Variants in ADAMTS18 observed in about 807,000 individuals in gnomAD.
ADAMTS18 encodes A disintegrin and metalloproteinase with thrombospondin motifs 18.
A neutral mutation model predicts 165.9 loss-of-function variants in ADAMTS18; 157 were observed. That is an observed-to-expected ratio of 0.95 (90% CI 0.83 to 1.08). The LOEUF is 1.08. ADAMTS18 is among the 50% of genes least tolerant of loss of function. The pLI is 0.00. For missense variants in ADAMTS18, 2,040 were observed against 1,534.0 expected (o/e 1.33, Z -5.51); for synonymous variants, 782 against 578.2 (o/e 1.35, Z -5.06).
At chr16:77,329,719 C>T (rs2056156675) in intron 12 of ADAMTS18, among the ~76,000 whole-genome samples, 1 of 151,844 alleles carries the variant, frequency 6.6e-6, no homozygotes, top group Non-Finnish European at 1.5e-5. Context: ...AAGCATTTGG[C>T]CATTTCCATA....
At chr16:77,317,926 C>A (rs1327731532) in intron 16 of ADAMTS18, among the ~76,000 whole-genome samples, 1 of 152,184 alleles carries the variant, frequency 6.6e-6, no homozygotes, top group Non-Finnish European at 1.5e-5. Flanking sequence ...TTGCCTTATT[C>A]ATCACTAATC....
chr16:77,394,061 T>A (rs2057225490), intron 3 of ADAMTS18, among the ~76,000 whole-genome samples: 1 of 152,232 alleles, frequency 6.6e-6, no homozygotes, highest in African/African-American at 2.4e-5. Flanking sequence ...TTTTATTTGT[T>A]TTTCAAGACC....
At chr16:77,289,560 C>G in intron 21 of ADAMTS18, 149 bp from the exon 22 acceptor site, 1 of 852,246 alleles carries the variant, frequency 1.2e-6, no homozygotes, top group East Asian at 2.6e-5. Context: ...TTACAGTCCA[C>G]AGCATCTATC....
At chr16:77,421,835 C>T (rs552289403) in intron 3 of ADAMTS18, among the ~76,000 whole-genome samples, 55 of 151,844 alleles carry the variant, frequency 3.6e-4, no homozygotes, top group Non-Finnish European at 7.8e-4. Context: ...TTTTCAGCAG[C>T]ATCACAAAAA....
At chr16:77,367,815 T>TGCCCACATACAGGA in intron 3 of ADAMTS18, 92 bp from the exon 4 acceptor site, 2 of 1,462,146 alleles carry the variant, frequency 1.4e-6, no homozygotes, top group Non-Finnish European at 1.9e-6. Context: ...CTAATTCCTG[T>TGCCCACATACAGGA]ATGTGGGCAC....
chr16:77,411,938 T>C (rs1219566997), intron 3 of ADAMTS18, among the ~76,000 whole-genome samples: 5 of 151,828 alleles, frequency 3.3e-5, no homozygotes, highest in Non-Finnish European at 7.4e-5. Context: ...TCACCTGCCT[T>C]AGCCTCCCAA....
chr16:77,353,632 C>T lies in ADAMTS18; in HGVS notation c.1614+101G>A. 8 of 1,530,992 alleles carry T rather than the reference C, an allele frequency of 5.2e-6. No homozygotes were observed. In the South Asian group the frequency reaches 9.0e-5, roughly 17 times the overall value. 94.8% of individuals were successfully genotyped at this position (1,530,992 alleles called of 1,614,324 possible). On this transcript the variant is annotated intron_variant, in intron 10 of 22. Coordinates refer to ENST00000282849, the MANE Select transcript of ADAMTS18 (RefSeq NM_199355.4). ...CTGACACGGTAGAGATAACCCAGAA[C>T]CTAACCCTTGGCCTTGGCAAACCAA...
intron 3 of ADAMTS18, among the ~76,000 whole-genome samples, chr16:77,425,525 G>T (rs1209595151): frequency 6.6e-6 from 1 of 152,194 alleles, no homozygotes; most frequent in Non-Finnish European, 1.5e-5. Flanking sequence ...ACAAAGCTGG[G>T]CAGAAATGCA....
intron 22 of ADAMTS18, 81 bp downstream of exon 22, chr16:77,289,183 A>C (rs1438512534): frequency 6.5e-7 from 1 of 1,543,286 alleles, no homozygotes; most frequent in South Asian, 1.1e-5. Context: ...ACAATGTCAC[A>C]GGCTGCACTA....
chr16:77,304,582 C>G (rs183366127), intron 16 of ADAMTS18, among the ~76,000 whole-genome samples: 246 of 152,286 alleles, frequency 1.6e-3, no homozygotes, highest in Non-Finnish European at 1.6e-3. Flanking sequence ...AATGAGGATC[C>G]TCAGCAAAGT....
intron 3 of ADAMTS18, among the ~76,000 whole-genome samples, chr16:77,429,550 C>T (rs72801691): frequency 0.097 from 14,757 of 152,020 alleles, 849 homozygotes; most frequent in Middle Eastern, 0.13. Flanking sequence ...AGTTCACCCA[C>T]GTGACAAACC....
At chr16:77,353,580 T>C (rs1056654527) in intron 10 of ADAMTS18, among the ~76,000 whole-genome samples, 153 bp downstream of exon 10, 1 of 152,178 alleles carries the variant, frequency 6.6e-6, no homozygotes, top group African/African-American at 2.4e-5. Flanking sequence ...GACAGTAAAA[T>C]TGCCACTTAA....
chr16:77,407,659 T>C (rs979303540), intron 3 of ADAMTS18, among the ~76,000 whole-genome samples: 2 of 152,080 alleles, frequency 1.3e-5, no homozygotes, highest in African/African-American at 4.8e-5. Flanking sequence ...CAATCACCTA[T>C]GACAAGTATC....
At chr16:77,319,480 T>C (rs1472040225) in intron 16 of ADAMTS18, among the ~76,000 whole-genome samples, 1 of 152,190 alleles carries the variant, frequency 6.6e-6, no homozygotes, top group Non-Finnish European at 1.5e-5. Context: ...TCTTGCTCTG[T>C]TGCCCAGGCT....
chr16:77,310,857 T>C (rs953185977), intron 16 of ADAMTS18, among the ~76,000 whole-genome samples: 4 of 152,090 alleles, frequency 2.6e-5, no homozygotes, highest in African/African-American at 7.2e-5. Context: ...CAAACACCCA[T>C]GCTCAAGCAA....
At chr16:77,298,882 G>C (rs918203720) in intron 17 of ADAMTS18, among the ~76,000 whole-genome samples, 1 of 152,198 alleles carries the variant, frequency 6.6e-6, no homozygotes, top group Non-Finnish European at 1.5e-5. Context: ...TTTTTCTCTT[G>C]GACACAGGAC....
intron 3 of ADAMTS18, among the ~76,000 whole-genome samples, chr16:77,413,003 A>G (rs781612897): frequency 9.2e-5 from 14 of 152,170 alleles, no homozygotes; most frequent in Middle Eastern, 3.4e-3. Flanking sequence ...GGCCCTTATA[A>G]TGCATTTCTT....
chr16:77,434,244 T>C (rs3750156), intron 2 of ADAMTS18, among the ~76,000 whole-genome samples, 174 bp downstream of exon 2: 1 of 152,160 alleles, frequency 6.6e-6, no homozygotes, highest in Non-Finnish European at 1.5e-5. Flanking sequence ...GTTGATTCTT[T>C]TGATAAGTTC....
intron 3 of ADAMTS18, among the ~76,000 whole-genome samples, chr16:77,420,909 A>G (rs2057593776): frequency 1.3e-5 from 2 of 152,226 alleles, no homozygotes; most frequent in Non-Finnish European, 1.5e-5. Flanking sequence ...GAGGAATTGT[A>G]AAATCACAGG....
Sources: allele counts gnomAD v4.1 joint callset (sites outside exome capture counted in the v4.1 genomes callset), GRCh38; gene constraint gnomAD v4.1.1; transcripts MANE v1.5; gene names NCBI Gene and HGNC (gene_info 2026-07-23, HGNC 2026-07-21).